ATP10D: variants seen among roughly 807,000 people sequenced by gnomAD.
ATP10D encodes the protein phospholipid-transporting ATPase VD.
A neutral mutation model predicts 144.8 loss-of-function variants in ATP10D; 89 were observed. The ratio of observed to expected loss-of-function variants is 0.61; its 90% CI spans 0.52 to 0.73. The LOEUF is 0.73. Among genes scored for constraint, ATP10D ranks in the 30% least tolerant of loss-of-function variants. ATP10D has a pLI of 0.00. For missense variants in ATP10D, 1,603 were observed against 1,714.8 expected (o/e 0.93, Z 1.15); for synonymous variants, 571 against 615.1 (o/e 0.93, Z 1.06).
At chr4:47,513,016 AG>A (rs1716436960) in intron 2 of ATP10D, among the ~76,000 whole-genome samples, 186 bp downstream of exon 2, 1 of 152,170 alleles carries the variant, frequency 6.6e-6, no homozygotes, top group African/African-American at 2.4e-5. Context: ...CCAATTGGAA[AG>A]GTGTTTTCTC....
rs1459322912 is a variant in ATP10D at position 47,512,612 on chromosome 4, T to C, written c.72T>C (p.Asp24=). 1.2e-6 allele frequency: 2 copies of C among 1,614,020 alleles called. No homozygotes were observed. The highest frequency in any genetic ancestry group is 1.3e-5 in the African/African-American group (1 of 74,922). Residue 24 remains aspartate, a synonymous_variant, in exon 2 of 23, where the codon GAT becomes GAC. Transcript: ENST00000273859. The part of the protein sequence containing the change: ...RLIRGATRDD[D]SGPYNYSSLL... Reference sequence around the variant, plus strand: ...TCAGAGGTGCAACCAGGGATGATGATTCAGGGCCATACAACTATTCCTCGT... The same window carrying C: ...TCAGAGGTGCAACCAGGGATGATGACTCAGGGCCATACAACTATTCCTCGT...
At chr4:47,495,824 A>G (rs953862714) in intron 1 of ATP10D, among the ~76,000 whole-genome samples, 4 of 148,594 alleles carry the variant, frequency 2.7e-5, no homozygotes, top group Non-Finnish European at 4.4e-5. Flanking sequence ...TGCAACCTCC[A>G]TCTCCCGTTT....
At chr4:47,500,626 C>G (rs76287855) in intron 1 of ATP10D, among the ~76,000 whole-genome samples, 4,991 of 152,202 alleles carry the variant, frequency 0.033, 277 homozygotes, top group African/African-American at 0.11. Context: ...GCTGACAGGG[C>G]TAATATAGGG....
chr4:47,498,987 T>G (rs1448516179), intron 1 of ATP10D, among the ~76,000 whole-genome samples: 4 of 152,212 alleles, frequency 2.6e-5, no homozygotes, highest in African/African-American at 9.6e-5. Flanking sequence ...CCAGTTCAAA[T>G]ATATATTTTG....
chr4:47,581,377 G>T (rs184727567), intron 20 of ATP10D, among the ~76,000 whole-genome samples: 24 of 152,138 alleles, frequency 1.6e-4, no homozygotes, highest in Non-Finnish European at 3.2e-4. Context: ...ACAGTATTAA[G>T]AATGAAAAAG....
At chr4:47,583,779 A>G (rs915041359) in intron 21 of ATP10D, among the ~76,000 whole-genome samples, 1 of 152,112 alleles carries the variant, frequency 6.6e-6, no homozygotes, top group Admixed American at 6.5e-5. Context: ...GTTATTAAAA[A>G]ATATAATGAA....
Position 47,591,522 on chromosome 4 carries a change from A to G in ATP10D, c.*141A>G, listed in dbSNP as rs749223446. The stretch of plus-strand genomic sequence containing the variant: ...GCTTGGAAGAGCTGACATGATGAGC[A>G]TTATTGTATGTTTGTATATACATTT... On this transcript the variant is annotated 3_prime_UTR_variant, in exon 23 of 23. Coordinates refer to ENST00000273859, the MANE Select transcript of ATP10D (RefSeq NM_020453.4). The G allele has an allele frequency of 1.5e-5, 10 of 657,248 alleles. No homozygotes were observed. The highest frequency in any genetic ancestry group is 2.5e-5 in the Non-Finnish European group (10 of 394,824). 40.7% of individuals were successfully genotyped at this position (657,248 alleles called of 1,614,324 possible).
chr4:47,557,861 A>G lies in ATP10D; in HGVS notation c.2022A>G (p.Glu674=), dbSNP rs754683196. The G allele has an allele frequency of 1.2e-6, 2 of 1,614,202 alleles. No individual in the cohort carries two copies. Among genetic ancestry groups the G allele is most frequent in the East Asian group, 4.5e-5 (2 of 44,890 alleles). Residue 674 remains glutamate, a synonymous_variant, in exon 12 of 23, where the codon GAA becomes GAG. Coordinates refer to ENST00000273859, the MANE Select transcript of ATP10D (RefSeq NM_020453.4). ...TGAAACCAGCTTCACCTGTGGAGGA[A>G]GAGGTCTCCCAGGTGTGTGAGAGCC... ...SRMKPASPVE[E]EVSQVCESPQ...
Position 47,586,911 on chromosome 4 carries a change from T to C in ATP10D, c.3754-108T>C, listed in dbSNP as rs561777266. On this transcript the variant is annotated intron_variant, in intron 21 of 22. Coordinates refer to ENST00000273859, the MANE Select transcript of ATP10D (RefSeq NM_020453.4). ...TGTTTATTCAGGTTTGTTACACCATTCATCCAGTGCTTAGATGTGTTGTCT... is the reference window on the plus strand; with the variant it reads ...TGTTTATTCAGGTTTGTTACACCATCCATCCAGTGCTTAGATGTGTTGTCT... 4.3e-6 allele frequency: 4 copies of C among 929,818 alleles called. No individual in the cohort carries two copies. In the East Asian group the frequency reaches 7.3e-5, roughly 17 times the overall value. 57.6% of individuals were successfully genotyped at this position (929,818 alleles called of 1,614,324 possible). A position where few individuals can be genotyped will look rare whatever the true frequency, so the allele number is the denominator to read the frequency against.
rs1435689967 is a variant in ATP10D at position 47,587,018 on chromosome 4, G to C, written c.3754-1G>C. The C allele has an allele frequency of 6.2e-7, 1 of 1,613,470 alleles. No individual in the cohort carries two copies. Among genetic ancestry groups the C allele is most frequent in the South Asian group, 1.1e-5 (1 of 91,032 alleles). On this transcript the variant is annotated splice_acceptor_variant, in intron 21 of 22. Coordinates refer to ENST00000273859, the MANE Select transcript of ATP10D (RefSeq NM_020453.4). LOFTEE classifies it high-confidence loss of function. ...TTTCCTCTGCTCTTCTTGTCTTACA[G>C]ACTTGGATTCACTTGCTGGTCATCA...
At chr4:47,520,312 A>G (rs1024531084) in intron 3 of ATP10D, among the ~76,000 whole-genome samples, 2 of 152,126 alleles carry the variant, frequency 1.3e-5, no homozygotes, top group African/African-American at 2.4e-5. Flanking sequence ...CCTTTCTTGT[A>G]ACAGTAATCC....
At chr4:47,540,252 G>A (rs1718066293) in intron 9 of ATP10D, among the ~76,000 whole-genome samples, 2 of 152,160 alleles carry the variant, frequency 1.3e-5, no homozygotes, top group Non-Finnish European at 1.5e-5. Context: ...TTGCCTAGGA[G>A]ACAATTTGGT....
At chr4:47,524,640 T>C (rs1415870923) in intron 4 of ATP10D, among the ~76,000 whole-genome samples, 2 of 152,240 alleles carry the variant, frequency 1.3e-5, no homozygotes, top group African/African-American at 4.8e-5. Context: ...ATTGTAATCC[T>C]GCTCTAAACA....
At chr4:47,515,789 G>A in intron 3 of ATP10D, 119 bp downstream of exon 3, 2 of 770,762 alleles carry the variant, frequency 2.6e-6, no homozygotes, top group Non-Finnish European at 4.0e-6. Context: ...TGGTGTTGTT[G>A]CTATTGTTTT....
At chr4:47,560,878 A>T in intron 13 of ATP10D, 71 bp from the exon 14 acceptor site, 1 of 1,575,648 alleles carries the variant, frequency 6.3e-7, no homozygotes, top group South Asian at 1.1e-5. Context: ...ATATTTTGCC[A>T]GAGGTCAGTC....
chr4:47,539,918 A>C (rs192482527), intron 9 of ATP10D, among the ~76,000 whole-genome samples: 1 of 152,326 alleles, frequency 6.6e-6, no homozygotes, highest in East Asian at 1.9e-4. Flanking sequence ...ATGCCTCCTC[A>C]CACAGAAAAG....
chr4:47,578,668 C>T (rs893050641), intron 19 of ATP10D, among the ~76,000 whole-genome samples: 2 of 152,140 alleles, frequency 1.3e-5, no homozygotes, highest in African/African-American at 2.4e-5. Context: ...TTTTGCTTGC[C>T]CCTTTGTCTC....
chr4:47,547,281 T>C (rs1475418523), intron 10 of ATP10D: 1 of 175,584 alleles, frequency 5.7e-6, no homozygotes, highest in Non-Finnish European at 1.2e-5. Context: ...GCCTTTTTAT[T>C]GCTCTGTAAT....
rs768009755 is a variant in ATP10D, at chr4:47,505,953, G to A, written c.-37-6551G>A. Among the ~76,000 whole-genome samples the A allele has an allele frequency of 3.9e-5, 6 of 152,178 alleles. No homozygotes were observed. The South Asian group carries it at 1.0e-3, about 26-fold the overall frequency. On this transcript the variant is annotated intron_variant, in intron 1 of 22. Transcript: ENST00000273859. ...TGAGCCCAAGAGAATTCATTATCCT[G>A]TATTTACCTTTGGTAATCTGCCCTA...
Sources: allele counts gnomAD v4.1 joint callset (sites outside exome capture counted in the v4.1 genomes callset), GRCh38; gene constraint gnomAD v4.1.1; transcripts MANE v1.5; gene names NCBI Gene and HGNC (gene_info 2026-07-23, HGNC 2026-07-21).